IGFBP2: variants seen among roughly 807,000 people sequenced by gnomAD.
IGFBP2 encodes insulin like growth factor binding protein 2, also known as insulin-like growth factor-binding protein 2.
Under a neutral mutation model 26.2 loss-of-function variants are expected in IGFBP2, and 12 were observed. The ratio of observed to expected loss-of-function variants is 0.46; its 90% CI spans 0.29 to 0.74. The LOEUF is 0.74. IGFBP2 is among the 30% of genes least tolerant of loss of function. IGFBP2 has a pLI of 0.09. For synonymous variants in IGFBP2, 189 were observed against 200.6 expected (o/e 0.94, Z 0.49); for missense variants, 328 against 441.2 (o/e 0.74, Z 2.30).
At chr2:216,636,645 G>A (rs1323449929) in intron 1 of IGFBP2, among the ~76,000 whole-genome samples, 1 of 152,202 alleles carries the variant, frequency 6.6e-6, no homozygotes, top group East Asian at 1.9e-4. Flanking sequence ...CTCTAAAAGC[G>A]TGTGTATGTG....
rs752900627 is a variant in IGFBP2 at position 216,661,861 on chromosome 2, C to A, written c.676C>A (p.Pro226Thr). 2 of 1,614,142 alleles carry A rather than the reference C, an allele frequency of 1.2e-6. No individual in the cohort carries two copies. The highest frequency in any genetic ancestry group is 3.3e-5 in the Admixed American group (2 of 60,034). ...KKLRPPPARTPCQQELDQVLE... is the reference protein window; with the variant it reads ...KKLRPPPARTTCQQELDQVLE... ...CCCCTGCTGTCTGTGCGTGCAGACT[C>A]CCTGCCAACAGGAACTGGACCAGGT... The change falls in exon 3 of 4, where the codon CCC (proline) becomes ACC (threonine). Residue 226 changes from proline (P) to threonine (T), a missense_variant. Transcript: ENST00000233809.
At position 216,633,819 on chromosome 2, in the gene IGFBP2, G is replaced by T; in HGVS notation, c.296G>T (p.Gly99Val). 6.6e-7 allele frequency: 1 copy of T among 1,524,924 alleles called. No homozygotes were observed. Among genetic ancestry groups the T allele is most frequent in the South Asian group, 1.2e-5 (1 of 83,276 alleles). 94.5% of individuals were successfully genotyped at this position (1,524,924 alleles called of 1,614,324 possible). A position where few individuals can be genotyped will look rare whatever the true frequency, so the allele number is the denominator to read the frequency against. ...VCARLEGEAC[G>V]VYTPRCGQGL... Reference sequence around the variant, plus strand: ...GCCCGGCTGGAGGGCGAGGCGTGCGGCGTCTACACCCCGCGCTGCGGCCAG... The same window carrying T: ...GCCCGGCTGGAGGGCGAGGCGTGCGTCGTCTACACCCCGCGCTGCGGCCAG... Residue 99 changes from glycine to valine, a missense_variant, in exon 1 of 4, where the codon GGC becomes GTC. Coordinates refer to ENST00000233809, the MANE Select transcript of IGFBP2 (RefSeq NM_000597.3).
At chr2:216,662,187 T>A (rs1688670852) in intron 3 of IGFBP2, 189 bp downstream of exon 3, 1 of 642,472 alleles carries the variant, frequency 1.6e-6, no homozygotes, top group Admixed American at 2.9e-5. Context: ...TCTCCCTGCC[T>A]CCGACGGGTC....
At chr2:216,656,562 C>T (rs879168338) in intron 1 of IGFBP2, among the ~76,000 whole-genome samples, 1 of 152,184 alleles carries the variant, frequency 6.6e-6, no homozygotes, top group African/African-American at 2.4e-5. Flanking sequence ...TTGTTCCAAC[C>T]TGGGGAGGGT....
In IGFBP2 at chr2:216,633,577, G is replaced by GCCGCTGCTA. The variant is rs1697429056; in HGVS notation, c.62_63insACCGCTGCT (p.Pro19_Leu21dup). 1.3e-5 allele frequency: 13 copies of GCCGCTGCTA among 1,016,496 alleles called. No individual in the cohort carries two copies. Among genetic ancestry groups the GCCGCTGCTA allele is most frequent in the Non-Finnish European group, 1.5e-5 (13 of 853,930 alleles). The allele number at this position is 1,016,496 out of a possible 1,614,324, so 63.0% of individuals were successfully genotyped here. ...TGCCGCTGCCGCCGCCGCCGCTGCTGCCGCTGCTGCTGCTGCTACTGGGCG... is the reference window on the plus strand; with the variant it reads ...TGCCGCTGCCGCCGCCGCCGCTGCTGCCGCTGCTACCGCTGCTGCTGCTGCTACTGGGCG... On this transcript the variant is annotated inframe_insertion, in exon 1 of 4. Coordinates refer to ENST00000233809, the MANE Select transcript of IGFBP2 (RefSeq NM_000597.3).
intron 3 of IGFBP2, 49 bp from the exon 4 acceptor site, chr2:216,663,891 G>A (rs765333696): frequency 3.2e-6 from 5 of 1,577,544 alleles, no homozygotes; most frequent in Admixed American, 3.5e-5. Flanking sequence ...GGGACAGAAG[G>A]AAAGTTGCTG....
intron 1 of IGFBP2, among the ~76,000 whole-genome samples, chr2:216,656,755 T>A (rs1697930563): frequency 6.6e-6 from 1 of 152,152 alleles, no homozygotes; most frequent in African/African-American, 2.4e-5. Context: ...ATAGAGACTG[T>A]CTGCCTTCAC....
At chr2:216,663,882 G>A in intron 3 of IGFBP2, 58 bp from the exon 4 acceptor site, 1 of 1,565,438 alleles carries the variant, frequency 6.4e-7, no homozygotes, top group Non-Finnish European at 8.7e-7. Flanking sequence ...CCGGGTTGAG[G>A]GACAGAAGGA....
intron 1 of IGFBP2, among the ~76,000 whole-genome samples, chr2:216,639,100 T>A (rs1697562570): frequency 1.3e-5 from 2 of 149,102 alleles, no homozygotes; most frequent in Admixed American, 1.3e-4. Context: ...TGGCGTGATC[T>A]TGGCTCACTG....
chr2:216,636,587 C>G (rs1697500885), intron 1 of IGFBP2, among the ~76,000 whole-genome samples: 1 of 151,960 alleles, frequency 6.6e-6, no homozygotes, highest in Non-Finnish European at 1.5e-5. Flanking sequence ...GTGGGTAGGC[C>G]TAGAAGAAAA....
chr2:216,656,183 G>T (rs184426352), intron 1 of IGFBP2, among the ~76,000 whole-genome samples: 2 of 152,070 alleles, frequency 1.3e-5, no homozygotes, highest in Non-Finnish European at 2.9e-5. Flanking sequence ...GATTAATGTT[G>T]GATTGACCTC....
chr2:216,633,541 C>T lies in IGFBP2; in HGVS notation c.18C>T (p.Gly6=). 1.1e-6 allele frequency: 1 copy of T among 912,322 alleles called. No homozygotes were observed. The highest frequency in any genetic ancestry group is 4.5e-5 in the South Asian group (1 of 22,146). 56.5% of individuals were successfully genotyped at this position (912,322 alleles called of 1,614,324 possible). The change falls in exon 1 of 4, where the codon GGC becomes GGT. Residue 6 remains glycine, a synonymous_variant. Coordinates refer to ENST00000233809, the MANE Select transcript of IGFBP2 (RefSeq NM_000597.3). ...CCGCCAGCATGCTGCCGAGAGTGGGCTGCCCCGCGCTGCCGCTGCCGCCGC... is the reference window on the plus strand; with the variant it reads ...CCGCCAGCATGCTGCCGAGAGTGGGTTGCCCCGCGCTGCCGCTGCCGCCGC... The part of the protein sequence containing the change: MLPRV[G]CPALPLPPPP...
chr2:216,661,992 C>T lies in IGFBP2; in HGVS notation c.807C>T (p.Leu269=), dbSNP rs1383617018. The change falls in exon 3 of 4, where the codon CTC becomes CTT. Residue 269 remains leucine (L), a synonymous_variant. Transcript: ENST00000233809. ...GTGACAAGCATGGCCTGTACAACCT[C>T]AAACAGGTGAGCATGGTGCCAGCCT... is the stretch of plus-strand genomic sequence containing the variant. ...PNCDKHGLYN[L]KQCKMSLNGQ... is the part of the protein sequence containing the mutation. 6.2e-7 allele frequency: 1 copy of T among 1,614,030 alleles called. No homozygotes were observed. The highest frequency in any genetic ancestry group is 8.5e-7 in the Non-Finnish European group (1 of 1,180,020).
chr2:216,639,865 A>G (rs1206260828), intron 1 of IGFBP2, among the ~76,000 whole-genome samples: 5 of 151,898 alleles, frequency 3.3e-5, no homozygotes, highest in African/African-American at 1.2e-4. Context: ...CTGGTCTCGA[A>G]CTCTGGACCT....
At chr2:216,646,175 T>G (rs1697706740) in intron 1 of IGFBP2, among the ~76,000 whole-genome samples, 1 of 152,178 alleles carries the variant, frequency 6.6e-6, no homozygotes, top group Non-Finnish European at 1.5e-5. Context: ...TGGGTTCAAT[T>G]TGTCAGGCCT....
intron 1 of IGFBP2, chr2:216,659,891 T>A (rs1697999772): frequency 1.4e-6 from 1 of 723,862 alleles, no homozygotes; most frequent in Admixed American, 2.0e-5. Context: ...GGAGCAGCAC[T>A]ATGGGACCTT....
chr2:216,644,258 G>A (rs1299799195), intron 1 of IGFBP2, among the ~76,000 whole-genome samples: 1 of 152,150 alleles, frequency 6.6e-6, no homozygotes, highest in Non-Finnish European at 1.5e-5. Flanking sequence ...CTGGCTGTTG[G>A]GAGGCAGGGC....
chr2:216,647,533 A>G (rs1697733544), intron 1 of IGFBP2, among the ~76,000 whole-genome samples: 1 of 151,846 alleles, frequency 6.6e-6, no homozygotes, highest in African/African-American at 2.4e-5. Context: ...TATTTTATTT[A>G]TTTTGAGACA....
In IGFBP2 at chr2:216,648,672, G is replaced by A. The variant is rs192429600; in HGVS notation, c.443-11885G>A. On this transcript the variant is annotated intron_variant, in intron 1 of 3. Coordinates refer to ENST00000233809, the MANE Select transcript of IGFBP2 (RefSeq NM_000597.3). ...TCACCCAGGCTGGAGTCAGTGGCGC[G>A]ATCTTGGCTCACTGCAACCTTCGCC... 5.0e-3 allele frequency among the ~76,000 whole-genome samples: 766 copies of A among 152,152 alleles called. 8 individuals are homozygous for A. The highest frequency in any genetic ancestry group is 0.017 in the African/African-American group (712 of 41,490).
Sources: allele counts gnomAD v4.1 joint callset (sites outside exome capture counted in the v4.1 genomes callset), GRCh38; gene constraint gnomAD v4.1.1; transcripts MANE v1.5; gene names NCBI Gene and HGNC (gene_info 2026-07-23, HGNC 2026-07-21).